Variants in ACAD11 observed in about 807,000 individuals in gnomAD.
ACAD11 encodes the protein acyl-CoA dehydrogenase family member 11, also known as acyl-Coenzyme A dehydrogenase family, member 11.
A neutral mutation model predicts 102.2 loss-of-function variants in ACAD11; 83 were observed. The observed-to-expected ratio is 0.81, with a 90% CI of 0.68 to 0.97. ACAD11 has a LOEUF of 0.97. Ranked by LOEUF, ACAD11 falls within the 50% of genes least tolerant of loss-of-function variation. The pLI is 0.00. For synonymous variants in ACAD11, 324 were observed against 319.8 expected (o/e 1.01, Z -0.14); for missense variants, 901 against 951.7 (o/e 0.95, Z 0.70).
intron 9 of ACAD11, among the ~76,000 whole-genome samples, chr3:132,622,137 T>C (rs1192744817): frequency 6.6e-6 from 1 of 152,194 alleles, no homozygotes; most frequent in Non-Finnish European, 1.5e-5. Context: ...TGGTATTACT[T>C]ACAAACATTG....
intron 13 of ACAD11, chr3:132,601,180 C>G (rs1938575095): frequency 6.2e-7 from 1 of 1,612,726 alleles, no homozygotes; most frequent in South Asian, 1.1e-5. Context: ...TTGTCAAGTT[C>G]TGCCGAGCCA....
chr3:132,584,593 C>T lies in ACAD11; in HGVS notation c.1622-5035G>A, dbSNP rs567654322. On this transcript the variant is annotated intron_variant, in intron 13 of 19. Transcript: ENST00000264990. ...TAATATTTTTATGTGTGAATTTGAT[C>T]CTGTCATTATGATGTTAGCTGGTTA... 5.3e-5 allele frequency among the ~76,000 whole-genome samples: 8 copies of T among 152,248 alleles called. No homozygotes were observed. In the South Asian group the frequency reaches 1.2e-3, roughly 24 times the overall value.
intron 1 of ACAD11, chr3:132,649,932 A>G (rs900156243): frequency 2.0e-5 from 3 of 152,214 alleles, no homozygotes; most frequent in Non-Finnish European, 2.9e-5. Flanking sequence ...ATTGATGCCA[A>G]CAGCATCTCA....
At chr3:132,606,631 C>T (rs1044885383) in intron 11 of ACAD11, among the ~76,000 whole-genome samples, 4 of 152,240 alleles carry the variant, frequency 2.6e-5, no homozygotes, top group Non-Finnish European at 5.9e-5. Flanking sequence ...TAGCCCCAGT[C>T]AGGGGCTTAT....
chr3:132,656,316 A>G (rs892811634), intron 1 of ACAD11, among the ~76,000 whole-genome samples: 2 of 152,186 alleles, frequency 1.3e-5, no homozygotes, highest in Non-Finnish European at 2.9e-5. Context: ...ATACTGTAGT[A>G]CAAGAAAAGT....
At chr3:132,647,535 T>C (rs1444866738) in intron 1 of ACAD11, 3 of 152,140 alleles carry the variant, frequency 2.0e-5, no homozygotes, top group Admixed American at 6.5e-5. Context: ...ATAGCATTGG[T>C]TCCCTTAGAA....
chr3:132,560,484 A>G (rs1937023059), intron 18 of ACAD11, among the ~76,000 whole-genome samples: 1 of 152,044 alleles, frequency 6.6e-6, no homozygotes, highest in African/African-American at 2.4e-5. Context: ...AGGTGTGATC[A>G]TAGCTCACTA....
At chr3:132,639,998 T>TCA (rs539317705) in intron 4 of ACAD11, among the ~76,000 whole-genome samples, 7,860 of 147,084 alleles carry the variant, frequency 0.053, 607 homozygotes, top group African/African-American at 0.17. Flanking sequence ...ACACTCTCTC[T>TCA]CACACACACA....
At chr3:132,560,987 G>A in intron 18 of ACAD11, 114 bp downstream of exon 18, 1 of 760,238 alleles carries the variant, frequency 1.3e-6, no homozygotes, top group Non-Finnish European at 2.3e-6. Flanking sequence ...ATCACATGGG[G>A]GCTTCCAATA....
At chr3:132,646,215 G>A (rs535969707) in intron 1 of ACAD11, among the ~76,000 whole-genome samples, 1 of 152,264 alleles carries the variant, frequency 6.6e-6, no homozygotes, top group South Asian at 2.1e-4. Context: ...CCGCCCGCCT[G>A]GGCCTCCCAA....
chr3:132,644,116 T>TA (rs1473287806), intron 2 of ACAD11, among the ~76,000 whole-genome samples: 4 of 152,184 alleles, frequency 2.6e-5, no homozygotes, highest in Non-Finnish European at 5.9e-5. Flanking sequence ...ACTGTGGTAT[T>TA]AAGCCTACCC....
chr3:132,570,467 CATTTT>C (rs1352866445), intron 17 of ACAD11, among the ~76,000 whole-genome samples: 3 of 152,074 alleles, frequency 2.0e-5, no homozygotes, highest in Non-Finnish European at 2.9e-5. Context: ...ATTATATTTA[CATTTT>C]ATTTTATTTT....
intron 13 of ACAD11, among the ~76,000 whole-genome samples, chr3:132,588,552 A>T (rs901568735): frequency 3.3e-5 from 5 of 152,218 alleles, no homozygotes; most frequent in Admixed American, 3.3e-4. Context: ...AGAGCTTAAA[A>T]TTCTAATCTC....
intron 7 of ACAD11, 57 bp downstream of exon 7, chr3:132,630,380 T>C (rs200909887): frequency 1.1e-4 from 168 of 1,495,902 alleles, no homozygotes; most frequent in Middle Eastern, 1.8e-4. Context: ...CTGGAAAACA[T>C]TGTCAACAGT....
chr3:132,615,216 C>T (rs914324100), intron 11 of ACAD11, among the ~76,000 whole-genome samples: 1 of 152,130 alleles, frequency 6.6e-6, no homozygotes, highest in Non-Finnish European at 1.5e-5. Flanking sequence ...AAAGCTTTTA[C>T]ACTGTTGGTG....
rs1937045279 is a variant in ACAD11 at position 132,561,177 on chromosome 3, A to G, written c.2042T>C (p.Ile681Thr). The G allele has an allele frequency of 6.2e-7, 1 of 1,613,360 alleles. No individual in the cohort carries two copies. Among genetic ancestry groups the G allele is most frequent in the Non-Finnish European group, 8.5e-7 (1 of 1,179,638 alleles). ...CAGAGTCAACAAGCGGATCTTCTCA[A>G]TGGCAATGCGGCTTTCAGCAATCCA... Reference protein sequence around the residue: ...AHWIAESRIAIEKIRLLTLKA... With the variant: ...AHWIAESRIATEKIRLLTLKA... Residue 681 changes from isoleucine (I) to threonine (T), a missense_variant, in exon 18 of 20, where the codon ATT (isoleucine) becomes ACT (threonine). Transcript: ENST00000264990.
intron 1 of ACAD11, among the ~76,000 whole-genome samples, chr3:132,658,569 T>C (rs967783766): frequency 2.0e-5 from 3 of 152,242 alleles, no homozygotes; most frequent in African/African-American, 7.2e-5. Context: ...ATTTGAACTT[T>C]GATCTGTTTC....
chr3:132,598,502 T>G (rs1458432016), intron 13 of ACAD11, among the ~76,000 whole-genome samples: 1 of 152,200 alleles, frequency 6.6e-6, no homozygotes, highest in Non-Finnish European at 1.5e-5. Context: ...TTGAGGAACT[T>G]AAAACCTAGA....
intron 11 of ACAD11, among the ~76,000 whole-genome samples, chr3:132,615,059 C>T (rs1018918897): frequency 6.6e-6 from 1 of 152,096 alleles, no homozygotes. Flanking sequence ...CTGTGCCCAA[C>T]AAACATATGA....
Sources: allele counts gnomAD v4.1 joint callset (sites outside exome capture counted in the v4.1 genomes callset), GRCh38; gene constraint gnomAD v4.1.1; transcripts MANE v1.5; gene names NCBI Gene and HGNC (gene_info 2026-07-23, HGNC 2026-07-21).